Variants in CDS2 observed in about 807,000 individuals in gnomAD.
CDS2 encodes phosphatidate cytidylyltransferase 2.
Under a neutral mutation model 59.0 loss-of-function variants are expected in CDS2, and 47 were observed. The observed-to-expected ratio is 0.80, with a 90% confidence interval of 0.63 to 1.02. The LOEUF is 1.02. CDS2 is among the 50% of genes least tolerant of loss of function. The pLI, the probability that CDS2 is intolerant of heterozygous loss-of-function variation, is 0.00. For missense variants in CDS2, 356 were observed against 558.9 expected (o/e 0.64, Z 3.66); for synonymous variants, 207 against 206.4 (o/e 1.00, Z -0.02).
intron 6 of CDS2, among the ~76,000 whole-genome samples, chr20:5,182,756 A>G (rs974904504): frequency 2.0e-5 from 3 of 152,196 alleles, no homozygotes; most frequent in East Asian, 1.9e-4. Context: ...ACTTGCTACC[A>G]CTTATTCCCT....
intron 1 of CDS2, among the ~76,000 whole-genome samples, chr20:5,153,387 G>A (rs563424697): frequency 7.2e-5 from 11 of 152,282 alleles, no homozygotes; most frequent in African/African-American, 1.2e-4. Context: ...CCAGGGAAGC[G>A]TCTCTCCTGA....
In CDS2 at chr20:5,136,303, T is replaced by C. The variant is rs145392912; in HGVS notation, c.57+9154T>C. Among the ~76,000 whole-genome samples the C allele has an allele frequency of 4.2e-3, 645 of 152,304 alleles. 5 individuals carry two copies. The highest frequency in any genetic ancestry group is 0.015 in the African/African-American group (630 of 41,558). On this transcript the variant is annotated intron_variant, in intron 1 of 12. Transcript: ENST00000460006. ...TTACCACCCTCCTTCAGTTTCTTTCTTCTGCGATAAAATCCCAGATGACTC... is the reference window on the plus strand; with the variant it reads ...TTACCACCCTCCTTCAGTTTCTTTCCTCTGCGATAAAATCCCAGATGACTC...
chr20:5,139,780 C>G (rs2090678512), intron 1 of CDS2, among the ~76,000 whole-genome samples: 1 of 149,502 alleles, frequency 6.7e-6, no homozygotes, highest in Non-Finnish European at 1.5e-5. Flanking sequence ...TTGAATTTTA[C>G]AAGTGCTTTT....
chr20:5,173,455 G>C (rs1156463612), intron 1 of CDS2, 68 bp from the exon 2 acceptor site: 1 of 1,569,350 alleles, frequency 6.4e-7, no homozygotes, highest in Non-Finnish European at 8.7e-7. Flanking sequence ...TCTCATGACA[G>C]GCATAGACTT....
At chr20:5,153,023 A>G (rs929803506) in intron 1 of CDS2, among the ~76,000 whole-genome samples, 5 of 152,192 alleles carry the variant, frequency 3.3e-5, no homozygotes, top group Non-Finnish European at 5.9e-5. Flanking sequence ...TTGTCCCACA[A>G]TAATAGCCGG....
At chr20:5,130,639 C>A (rs529035014) in intron 1 of CDS2, among the ~76,000 whole-genome samples, 205 of 152,000 alleles carry the variant, frequency 1.3e-3, no homozygotes, top group Admixed American at 2.6e-3. Flanking sequence ...CAAAATTAGC[C>A]GGGCGTGGTG....
chr20:5,142,754 T>C lies in CDS2; in HGVS notation c.57+15605T>C, dbSNP rs569574479. Among the ~76,000 whole-genome samples, 46 of 152,328 alleles carry C rather than the reference T, an allele frequency of 3.0e-4. 1 individual carries two copies. The highest frequency in any genetic ancestry group is 1.0e-3 in the African/African-American group (43 of 41,590). ...GCCACAGGCAATGAGAAGATATTTA[T>C]AACAAATGTATCTGATGCAGGGCTA... On this transcript the variant is annotated intron_variant, in intron 1 of 12. Transcript: ENST00000460006.
chr20:5,163,108 C>T (rs1306287107), intron 1 of CDS2, among the ~76,000 whole-genome samples: 1 of 152,126 alleles, frequency 6.6e-6, no homozygotes, highest in African/African-American at 2.4e-5. Flanking sequence ...CTTTGGGAGG[C>T]CAAAGCGTGA....
chr20:5,160,295 C>T (rs974682091), intron 1 of CDS2, among the ~76,000 whole-genome samples: 2 of 152,122 alleles, frequency 1.3e-5, no homozygotes, highest in African/African-American at 2.4e-5. Flanking sequence ...GTAGGTCTGC[C>T]CTTGACTGGT....
rs1268922204 is a variant in CDS2, at chr20:5,186,682, C to G, written c.829-5C>G. On this transcript the variant is annotated splice_polypyrimidine_tract_variant and splice_region_variant and intron_variant, in intron 9 of 12. Transcript: ENST00000460006. The stretch of plus-strand genomic sequence containing the variant: ...CTTGCCGGTCTCTCTGTTATTCCTC[C>G]TCAGCTGTCCTATGTGATGTCCGGG... 1 of 1,613,824 alleles carries G rather than the reference C, an allele frequency of 6.2e-7. No individual in the cohort carries two copies. Among genetic ancestry groups the G allele is most frequent in the Non-Finnish European group, 8.5e-7 (1 of 1,179,890 alleles).
intron 1 of CDS2, among the ~76,000 whole-genome samples, chr20:5,170,004 T>A (rs544214170): frequency 6.6e-6 from 1 of 152,242 alleles, no homozygotes; most frequent in South Asian, 2.1e-4. Flanking sequence ...GTCAGGCTAC[T>A]CAGGGGAGTG....
intron 1 of CDS2, among the ~76,000 whole-genome samples, chr20:5,146,082 C>G (rs2090741292): frequency 6.6e-6 from 1 of 152,128 alleles, no homozygotes; most frequent in Non-Finnish European, 1.5e-5. Flanking sequence ...CTTGGCCTCT[C>G]AAAATGTTGG....
rs186068999 is a variant in CDS2 at position 5,148,519 on chromosome 20, A to T, written c.57+21370A>T. Among the ~76,000 whole-genome samples, 13 of 152,228 alleles carry T rather than the reference A, an allele frequency of 8.5e-5. No homozygotes were observed. In the East Asian group the frequency reaches 1.4e-3, roughly 16 times the overall value. On this transcript the variant is annotated intron_variant, in intron 1 of 12. Coordinates refer to ENST00000460006, the MANE Select transcript of CDS2 (RefSeq NM_003818.4). ...GACTGGTAGGCTGGCCAGATGTCTG[A>T]TTGCTTCTGGCCAGTTTTTTTCCAT...
chr20:5,190,089 C>A lies in CDS2; in HGVS notation c.1206-13C>A. ...GCCCTAGCTCAGTGCTGTTTCTTCA[C>A]ATTCTGTTCCAGAGGCCCTAACCCA... On this transcript the variant is annotated splice_polypyrimidine_tract_variant and intron_variant, in intron 12 of 12. Transcript: ENST00000460006. 1 of 1,613,408 alleles carries A rather than the reference C, an allele frequency of 6.2e-7. No homozygotes were observed. The highest frequency in any genetic ancestry group is 8.5e-7 in the Non-Finnish European group (1 of 1,179,384).
At chr20:5,171,576 G>A (rs1163781750) in intron 1 of CDS2, among the ~76,000 whole-genome samples, 4 of 152,212 alleles carry the variant, frequency 2.6e-5, no homozygotes, top group Non-Finnish European at 5.9e-5. Flanking sequence ...GGGTGTCAAT[G>A]TTGAAATAAA....
chr20:5,170,487 C>T (rs1043317351), intron 1 of CDS2, among the ~76,000 whole-genome samples: 2 of 152,220 alleles, frequency 1.3e-5, no homozygotes, highest in Admixed American at 6.5e-5. Flanking sequence ...TTTCTGTTCC[C>T]TTTGGCGTCC....
intron 1 of CDS2, among the ~76,000 whole-genome samples, chr20:5,172,614 G>A (rs2090964193): frequency 6.6e-6 from 1 of 152,132 alleles, no homozygotes; most frequent in African/African-American, 2.4e-5. Context: ...ATTTGTAAAT[G>A]GGGCTTCTCC....
chr20:5,147,837 C>A (rs1275766014), intron 1 of CDS2, among the ~76,000 whole-genome samples: 5 of 152,128 alleles, frequency 3.3e-5, no homozygotes, highest in Non-Finnish European at 7.3e-5. Flanking sequence ...CACCATTGCA[C>A]CCGGCAGGGC....
intron 1 of CDS2, among the ~76,000 whole-genome samples, chr20:5,130,740 G>A (rs1195403543): frequency 1.3e-5 from 2 of 150,958 alleles, no homozygotes; most frequent in Admixed American, 1.3e-4. Context: ...CCGAGATTGC[G>A]CCGTTGCACT....
Sources: gnomAD v4.1 joint callset for allele counts (sites outside exome capture counted in the v4.1 genomes callset) on GRCh38, gnomAD v4.1.1 for gene constraint, MANE v1.5 for transcripts, NCBI Gene and HGNC (gene_info 2026-07-23, HGNC 2026-07-21) for gene names.